MAGEC3: variants seen among roughly 807,000 people sequenced by gnomAD.
The protein encoded by MAGEC3 is melanoma-associated antigen C3.
A neutral mutation model predicts 35.3 loss-of-function variants in MAGEC3; 34 were observed. That is an observed-to-expected ratio of 0.96 (90% CI 0.73 to 1.28). The LOEUF (loss-of-function observed/expected upper bound fraction) is 1.28. MAGEC3 is among the 50% of genes most tolerant of loss of function. The pLI is 0.00. For synonymous variants in MAGEC3, 202 were observed against 185.6 expected (o/e 1.09, Z -0.72); for missense variants, 561 against 483.6 (o/e 1.16, Z -1.50).
At chrX:141,878,411 G>A (rs1318329288) in intron 2 of MAGEC3, among the ~76,000 whole-genome samples, 2 of 112,259 alleles carry the variant, frequency 1.8e-5, no homozygotes, top group Admixed American at 9.4e-5. Flanking sequence ...GGGAGACCCA[G>A]GACCAGCCAG....
intron 4 of MAGEC3, among the ~76,000 whole-genome samples, chrX:141,890,394 CAG>C (rs767416613): frequency 2.7e-5 from 3 of 110,207 alleles, no homozygotes; most frequent in Admixed American, 1.9e-4. Context: ...TTAGAAGAAA[CAG>C]GGGTTTCACC....
At chrX:141,889,569 G>A (rs1032720745) in intron 4 of MAGEC3, among the ~76,000 whole-genome samples, 7 of 112,033 alleles carry the variant, frequency 6.2e-5, no homozygotes, top group African/African-American at 2.0e-4. Flanking sequence ...TGATTGACCC[G>A]GGCTATCAAG....
At chrX:141,896,366 T>G in intron 6 of MAGEC3, 5 of 914,609 alleles carry the variant, frequency 5.5e-6, no homozygotes, top group Non-Finnish European at 7.3e-6. Context: ...CCTACTGCCA[T>G]TCCTGGTGCC....
At position 141,897,398 on chromosome X, in the gene MAGEC3, G is replaced by A; in HGVS notation, c.1640G>A (p.Cys547Tyr). Residue 547 changes from cysteine (C) to tyrosine (Y), a missense_variant, in exon 7 of 8, where the codon TGT (cysteine) becomes TAT (tyrosine). Transcript: ENST00000298296. Reference sequence around the variant, plus strand: ...GATGACCAGGGCATGCCCAAGAACTGTCTCCTGATTCTTATTCTCAGTATG... The same window carrying A: ...GATGACCAGGGCATGCCCAAGAACTATCTCCTGATTCTTATTCTCAGTATG... ...LIDDQGMPKN[C>Y]LLILILSMIF... The A allele has an allele frequency of 8.3e-7, 1 of 1,211,719 alleles. No individual in the cohort carries two copies.
chrX:141,858,822 AACAT>A (rs1420915030), intron 1 of MAGEC3, among the ~76,000 whole-genome samples: 2 of 111,179 alleles, frequency 1.8e-5, no homozygotes, highest in African/African-American at 6.5e-5. Flanking sequence ...AACAACACAC[AACAT>A]ACATACATTC....
At chrX:141,864,028 C>A (rs2017832227) in intron 1 of MAGEC3, among the ~76,000 whole-genome samples, 2 of 111,588 alleles carry the variant, frequency 1.8e-5, no homozygotes, top group Non-Finnish European at 3.8e-5. Flanking sequence ...GGATTCAACC[C>A]AAATTGCTGT....
At chrX:141,888,630 C>T (rs753842965) in intron 4 of MAGEC3, among the ~76,000 whole-genome samples, 1 of 111,871 alleles carries the variant, frequency 8.9e-6, no homozygotes, top group Non-Finnish European at 1.9e-5. Context: ...CTGTGGACAC[C>T]ACTCAGCCTC....
intron 1 of MAGEC3, among the ~76,000 whole-genome samples, chrX:141,852,955 T>C (rs765061556): frequency 4.3e-4 from 48 of 111,775 alleles, no homozygotes; most frequent in African/African-American, 1.5e-3. Context: ...CTGTTTCTAC[T>C]TTACAAACTA....
chrX:141,863,233 T>C (rs1004699026), intron 1 of MAGEC3, among the ~76,000 whole-genome samples: 7 of 111,493 alleles, frequency 6.3e-5, no homozygotes, highest in Non-Finnish European at 1.3e-4. Flanking sequence ...CTACAGAGTA[T>C]ATCATACCAA....
chrX:141,869,302 C>T (rs2017872451), intron 2 of MAGEC3, among the ~76,000 whole-genome samples: 1 of 111,561 alleles, frequency 9.0e-6, no homozygotes. Context: ...TGTGCTTATG[C>T]AAACAACTAT....
intron 2 of MAGEC3, among the ~76,000 whole-genome samples, chrX:141,870,763 A>G (rs1378305338): frequency 5.4e-5 from 6 of 112,134 alleles, no homozygotes; most frequent in Non-Finnish European, 9.4e-5. Context: ...ATTATGTGCT[A>G]GATGCAGATG....
intron 2 of MAGEC3, among the ~76,000 whole-genome samples, chrX:141,878,564 T>C (rs1216294708): frequency 3.6e-5 from 4 of 111,242 alleles, no homozygotes. Flanking sequence ...CCTGACATTT[T>C]AGAGGGTAGA....
At chrX:141,844,226 A>C (rs959929931) in intron 1 of MAGEC3, among the ~76,000 whole-genome samples, 2 of 111,217 alleles carry the variant, frequency 1.8e-5, no homozygotes, top group Admixed American at 1.9e-4. Context: ...GGGCACTTAC[A>C]TTGCTTGGTG....
intron 2 of MAGEC3, among the ~76,000 whole-genome samples, chrX:141,867,854 G>C (rs981573744): frequency 8.9e-6 from 1 of 112,239 alleles, no homozygotes; most frequent in Non-Finnish European, 1.9e-5. Flanking sequence ...TGGGCATGGT[G>C]GCTCACGCCT....
In MAGEC3 at chrX:141,865,542, T is replaced by A; in HGVS notation, c.195T>A (p.Phe65Leu). The change falls in exon 2 of 8, where the codon TTT becomes TTA. Residue 65 changes from phenylalanine (F) to leucine (L), a missense_variant. Transcript: ENST00000298296. ...GGCATCTGAGGGAGGTGAGGCTTTT[T>A]CTGAGGGGTGGAACTTCAGATCAGC... ...HLGHLREVRL[F>L]LRGGTSDQRM... 8.3e-7 allele frequency: 1 copy of A among 1,210,990 alleles called. No homozygotes were observed. Among genetic ancestry groups the A allele is most frequent in the Non-Finnish European group, 1.1e-6 (1 of 895,096 alleles).
At chrX:141,870,826 T>C (rs149796911) in intron 2 of MAGEC3, among the ~76,000 whole-genome samples, 2,050 of 112,150 alleles carry the variant, frequency 0.018, 39 homozygotes, top group Non-Finnish European at 0.03. Flanking sequence ...CATACCTGTC[T>C]GGCCTTACCA....
chrX:141,871,458 G>T (rs930827238), intron 2 of MAGEC3, among the ~76,000 whole-genome samples: 1 of 111,815 alleles, frequency 8.9e-6, no homozygotes, highest in Non-Finnish European at 1.9e-5. Context: ...CACCAAGAGT[G>T]TGGCAAGACA....
intron 4 of MAGEC3, chrX:141,894,622 C>A (rs1472314978): frequency 1.0e-6 from 1 of 958,354 alleles, no homozygotes; most frequent in Non-Finnish European, 1.3e-6. Flanking sequence ...ACTGAGGGGC[C>A]TTCCCACCTC....
intron 1 of MAGEC3, among the ~76,000 whole-genome samples, chrX:141,847,617 A>G (rs1314290643): frequency 8.9e-6 from 1 of 111,874 alleles, no homozygotes; most frequent in Non-Finnish European, 1.9e-5. Flanking sequence ...CAAATAACCC[A>G]TAGGCTAACA....
Sources: gnomAD v4.1 joint callset for allele counts (sites outside exome capture counted in the v4.1 genomes callset) on GRCh38, gnomAD v4.1.1 for gene constraint, MANE v1.5 for transcripts, NCBI Gene and HGNC (gene_info 2026-07-23, HGNC 2026-07-21) for gene names.